ACTN2: variants seen among roughly 807,000 people sequenced by gnomAD.
ACTN2 encodes actinin alpha 2.
A neutral mutation model predicts 113.8 loss-of-function variants in ACTN2; 39 were observed. The ratio of observed to expected loss-of-function variants is 0.34; its 90% confidence interval spans 0.27 to 0.45. The LOEUF is 0.45. Among genes scored for constraint, ACTN2 ranks in the 20% least tolerant of loss-of-function variants. ACTN2 has a pLI of 1.00. For synonymous variants in ACTN2, 429 were observed against 444.1 expected, an observed-to-expected ratio of 0.97 and a Z score of 0.43; for missense variants, 992 against 1,177.9, an observed-to-expected ratio of 0.84 and a Z score of 2.31.
At chr1:236,743,567 C>T (rs563275492) in intron 11 of ACTN2, among the ~76,000 whole-genome samples, 23 of 150,130 alleles carry the variant, frequency 1.5e-4, no homozygotes, top group African/African-American at 5.0e-4. Flanking sequence ...AAGAATATGG[C>T]CCTTTTTTTT....
In ACTN2 at chr1:236,754,951, C is replaced by A; in HGVS notation, c.1975-68C>A. 6.3e-7 allele frequency: 1 copy of A among 1,597,644 alleles called. No individual in the cohort carries two copies. On this transcript the variant is annotated intron_variant, in intron 16 of 20. Transcript: ENST00000366578. This position sits in a 1 kb window ranked among gnomAD's most constrained non-coding sequence, Gnocchi z 4.9. The stretch of plus-strand genomic sequence containing the variant: ...CCATGCAGGGTCTGGAACGGCGCCT[C>A]GTGCCGAGCTCCCTTAGAGGGCACT...
At chr1:236,721,400 G>A (rs1370873890) in intron 4 of ACTN2, among the ~76,000 whole-genome samples, 1 of 152,048 alleles carries the variant, frequency 6.6e-6, no homozygotes, top group Non-Finnish European at 1.5e-5. Context: ...CTGACATGAA[G>A]CCTGCAGTAC....
At chr1:236,729,562 T>A (rs777386966) in intron 6 of ACTN2, among the ~76,000 whole-genome samples, 2 of 152,166 alleles carry the variant, frequency 1.3e-5, no homozygotes, top group African/African-American at 2.4e-5. Context: ...CACCACCTTT[T>A]TAGTTATCCC....
At chr1:236,720,076 A>G (rs757266180) in intron 3 of ACTN2, 29 bp from the exon 4 acceptor site, 9 of 1,458,462 alleles carry the variant, frequency 6.2e-6, no homozygotes, top group Non-Finnish European at 8.7e-6. Flanking sequence ...TGTTATCTTT[A>G]CATTAATTTG....
intron 1 of ACTN2, among the ~76,000 whole-genome samples, chr1:236,707,709 C>CTTTTTTTTTT (rs5781919): frequency 7.6e-5 from 6 of 78,768 alleles, no homozygotes; most frequent in South Asian, 5.4e-4. Flanking sequence ...TCTTTTTTTT[C>CTTTTTTTTTT]TTTTTTTTTT....
chr1:236,759,760 G>A lies in ACTN2; in HGVS notation c.2338G>A (p.Ala780Thr). The change falls in exon 19 of 21, where the codon GCC (alanine) becomes ACC (threonine). Residue 780 changes from alanine to threonine, a missense_variant. Transcript: ENST00000366578. ...NGLMDHEDFR[A>T]CLISMGYDLG... Reference sequence around the variant, plus strand: ...CCTGATGGATCATGAGGATTTCAGAGCCTGCCTGATTTCCATGGGTTATGA... The same window carrying A: ...CCTGATGGATCATGAGGATTTCAGAACCTGCCTGATTTCCATGGGTTATGA... 1 of 1,614,124 alleles carries A rather than the reference G, an allele frequency of 6.2e-7. No homozygotes were observed. Among genetic ancestry groups the A allele is most frequent in the Non-Finnish European group, 8.5e-7 (1 of 1,179,980 alleles).
At chr1:236,701,259 T>C (rs1657665238) in intron 1 of ACTN2, among the ~76,000 whole-genome samples, 2 of 152,268 alleles carry the variant, frequency 1.3e-5, no homozygotes, top group South Asian at 2.1e-4. Context: ...ACTTTTTTTT[T>C]CCCCCAAGTA....
In ACTN2 at chr1:236,739,498, C is replaced by T; in HGVS notation, c.1073C>T (p.Pro358Leu). ...LQTKLRISNR[P>L]AFMPSEGKMV... ...ACCAAGCTGCGGATCAGCAACCGTC[C>T]TGCCTTCATGCCCTCCGAGGGCAAG... is the stretch of plus-strand genomic sequence containing the variant. The change falls in exon 10 of 21, where the codon CCT becomes CTT. Residue 358 changes from proline (P) to leucine (L), a missense_variant. Transcript: ENST00000366578. The T allele has an allele frequency of 6.2e-7, 1 of 1,614,154 alleles. No individual in the cohort carries two copies. The highest frequency in any genetic ancestry group is 8.5e-7 in the Non-Finnish European group (1 of 1,179,992).
chr1:236,760,151 C>A (rs968217000), intron 19 of ACTN2, among the ~76,000 whole-genome samples: 1 of 151,764 alleles, frequency 6.6e-6, no homozygotes, highest in Non-Finnish European at 1.5e-5. Flanking sequence ...GAGGTTGAGG[C>A]AGGAGAATGG....
chr1:236,761,630 A>G (rs985252708), intron 20 of ACTN2, among the ~76,000 whole-genome samples: 9 of 152,228 alleles, frequency 5.9e-5, no homozygotes, highest in African/African-American at 2.2e-4. Context: ...CCGTTCAGTC[A>G]GTAAAAAATT....
chr1:236,689,155 T>C (rs1366069877), intron 1 of ACTN2, among the ~76,000 whole-genome samples: 2 of 152,082 alleles, frequency 1.3e-5, no homozygotes, highest in African/African-American at 2.4e-5. Context: ...CGTGTCTACC[T>C]TCTCTTTCAA....
intron 1 of ACTN2, among the ~76,000 whole-genome samples, chr1:236,708,502 G>A (rs1428108694): frequency 6.6e-6 from 1 of 152,216 alleles, no homozygotes; most frequent in Admixed American, 6.5e-5. Flanking sequence ...TGAGTGGCTT[G>A]TGGATCTAGA....
At chr1:236,718,162 C>A (rs1331636215) in intron 2 of ACTN2, among the ~76,000 whole-genome samples, 190 bp downstream of exon 2, 1 of 152,164 alleles carries the variant, frequency 6.6e-6, no homozygotes, top group Admixed American at 6.5e-5. Context: ...GGAGTGAATT[C>A]TCTTTAAAAA....
At chr1:236,697,931 C>T (rs60353349) in intron 1 of ACTN2, among the ~76,000 whole-genome samples, 4,047 of 113,924 alleles carry the variant, frequency 0.036, 172 homozygotes, top group East Asian at 0.24. Context: ...GGCTAATTTT[C>T]GTATTTTTTT....
In ACTN2 at chr1:236,749,181, G is replaced by T. The variant is rs760753594; in HGVS notation, c.1573G>T (p.Ala525Ser). 1.2e-6 allele frequency: 2 copies of T among 1,614,146 alleles called. No homozygotes were observed. Among genetic ancestry groups the T allele is most frequent in the Admixed American group, 3.3e-5 (2 of 60,028 alleles). ...DQLHLEFAKRAAPFNNWMEGA... is the reference protein window; with the variant it reads ...DQLHLEFAKRSAPFNNWMEGA... ...GCTTCACCTGGAGTTTGCCAAGAGGGCTGCTCCTTTCAACAATTGGATGGA... is the reference window on the plus strand; with the variant it reads ...GCTTCACCTGGAGTTTGCCAAGAGGTCTGCTCCTTTCAACAATTGGATGGA... The change falls in exon 14 of 21, where the codon GCT becomes TCT. Residue 525 changes from alanine to serine, a missense_variant. Ala to Ser is a moderately conservative substitution (Grantham distance 99). Transcript: ENST00000366578.
chr1:236,688,622 T>C (rs919392410), intron 1 of ACTN2, among the ~76,000 whole-genome samples: 1 of 152,194 alleles, frequency 6.6e-6, no homozygotes, highest in Non-Finnish European at 1.5e-5. Context: ...AAAATAATGT[T>C]AGAAAGTTTA....
intron 1 of ACTN2, among the ~76,000 whole-genome samples, chr1:236,690,582 CTG>C (rs1432555486): frequency 6.6e-6 from 1 of 152,160 alleles, no homozygotes; most frequent in Non-Finnish European, 1.5e-5. Flanking sequence ...AATGGTTAAA[CTG>C]TTTTATGGTG....
chr1:236,754,138 C>T lies in ACTN2; in HGVS notation c.1974+57C>T, dbSNP rs1659483610. ...AAGCCTTGCGATAAGTCCCTTTAGC[C>T]ACGCAGCAGTGACACCGCACATGCT... On this transcript the variant is annotated intron_variant, in intron 16 of 20. Transcript: ENST00000366578. The surrounding 1 kb of genome is among the most constrained non-coding windows in gnomAD (Gnocchi z 4.9). 1.9e-6 allele frequency: 3 copies of T among 1,605,394 alleles called. No individual in the cohort carries two copies. The highest frequency in any genetic ancestry group is 1.8e-4 in the Middle Eastern group (1 of 5,546).
chr1:236,737,309 AT>A, intron 9 of ACTN2, 95 bp downstream of exon 9: 1 of 300,358 alleles, frequency 3.3e-6, no homozygotes, highest in East Asian at 5.9e-5. Context: ...ATATATATAT[AT>A]ATATATATTT....
Sources: allele counts gnomAD v4.1 joint callset (sites outside exome capture counted in the v4.1 genomes callset), GRCh38; gene constraint gnomAD v4.1.1; non-coding constraint Gnocchi (gnomAD v3.1); transcripts MANE v1.5; gene names NCBI Gene and HGNC (gene_info 2026-07-23, HGNC 2026-07-21).